Variants in ZC3H12B observed in about 807,000 individuals in gnomAD.
The protein encoded by ZC3H12B is probable ribonuclease ZC3H12B.
Under a neutral mutation model 43.9 loss-of-function variants are expected in ZC3H12B, and 7 were observed. The ratio of observed to expected loss-of-function variants is 0.16; its 90% confidence interval spans 0.09 to 0.30. ZC3H12B has a LOEUF of 0.30. Among genes scored for constraint, ZC3H12B ranks in the 10% least tolerant of loss-of-function variants. The pLI is 1.00. For missense variants in ZC3H12B, 475 were observed against 670.2 expected (o/e 0.71, Z 3.22); for synonymous variants, 222 against 241.7 (o/e 0.92, Z 0.76).
At chrX:65,490,445 G>A (rs2068189199) in intron 1 of ZC3H12B, among the ~76,000 whole-genome samples, 1 of 105,669 alleles carries the variant, frequency 9.5e-6, no homozygotes, top group African/African-American at 3.5e-5. Context: ...CAAGGAAACA[G>A]ATTCTCTCTT....
chrX:65,093,643 G>C, the ZC3H12B span, among the ~76,000 whole-genome samples: 1 of 112,095 alleles, frequency 8.9e-6, no homozygotes, highest in Non-Finnish European at 1.9e-5. Context: ...TGTGGCTGTA[G>C]CCCCGCCTTT....
At chrX:65,173,146 A>T in the ZC3H12B span, among the ~76,000 whole-genome samples, 3 of 111,358 alleles carry the variant, frequency 2.7e-5, no homozygotes, top group Non-Finnish European at 1.9e-5. Context: ...TGTGCCTTGT[A>T]AGTTGTATTC....
At chrX:65,252,072 T>G in the ZC3H12B span, among the ~76,000 whole-genome samples, 2 of 111,893 alleles carry the variant, frequency 1.8e-5, no homozygotes, top group African/African-American at 6.5e-5. Context: ...GGCTGTGGGT[T>G]TGTCATAAAT....
chrX:65,349,361 A>T, the ZC3H12B span, among the ~76,000 whole-genome samples: 1 of 112,307 alleles, frequency 8.9e-6, no homozygotes, highest in Non-Finnish European at 1.9e-5. Flanking sequence ...ACACATTTAA[A>T]GCACTGTGTA....
chrX:65,261,777 TAC>T, the ZC3H12B span, among the ~76,000 whole-genome samples: 1 of 111,030 alleles, frequency 9.0e-6, no homozygotes, highest in Non-Finnish European at 1.9e-5. Context: ...AAAATTATAA[TAC>T]ATGTAATACC....
chrX:65,488,921 G>A, exon 1 of ZC3H12B: 1 of 1,210,090 alleles, frequency 8.3e-7, no homozygotes, highest in Non-Finnish European at 1.1e-6. Context: ...AAGAGTGGAT[G>A]AGCTCTGAGA....
chrX:65,149,546 C>G, the ZC3H12B span, among the ~76,000 whole-genome samples: 1 of 109,453 alleles, frequency 9.1e-6, no homozygotes, highest in Non-Finnish European at 1.9e-5. Flanking sequence ...TGGGAGGATC[C>G]CGAGGTCAGA....
chrX:65,380,414 T>C (rs1422646361), intron 2 of ZC3H12B, among the ~76,000 whole-genome samples: 1 of 111,344 alleles, frequency 9.0e-6, no homozygotes, highest in Admixed American at 9.6e-5. Context: ...TGCTGAGATA[T>C]GTTCTCACCA....
chrX:65,343,718 A>G, the ZC3H12B span, among the ~76,000 whole-genome samples: 1 of 112,364 alleles, frequency 8.9e-6, no homozygotes, highest in Non-Finnish European at 1.9e-5. Flanking sequence ...AGCCAACATC[A>G]TACTTAAGGG....
chrX:65,371,427 C>A (rs775828189), intron 2 of ZC3H12B, among the ~76,000 whole-genome samples: 2 of 111,367 alleles, frequency 1.8e-5, no homozygotes, highest in South Asian at 7.6e-4. Flanking sequence ...TATTTCTAAG[C>A]CCAGTTTTTT....
chrX:65,350,073 A>T, the ZC3H12B span, among the ~76,000 whole-genome samples: 1 of 112,009 alleles, frequency 8.9e-6, no homozygotes, highest in East Asian at 2.8e-4. Context: ...ATTTCAGGCC[A>T]ATATCCCTGA....
At chrX:65,269,958 C>T in the ZC3H12B span, among the ~76,000 whole-genome samples, 2 of 111,529 alleles carry the variant, frequency 1.8e-5, no homozygotes, top group Non-Finnish European at 3.8e-5. Flanking sequence ...GTTCATATTA[C>T]CCAAATCAAT....
At chrX:65,361,517 A>G in the ZC3H12B span, among the ~76,000 whole-genome samples, 4 of 112,095 alleles carry the variant, frequency 3.6e-5, no homozygotes, top group African/African-American at 6.5e-5. Flanking sequence ...TAAGGCTCCA[A>G]AGTTCTGCAG....
chrX:65,458,062 T>TAAAAAAA (rs56840636), intron 3 of ZC3H12B, among the ~76,000 whole-genome samples: 3 of 15,851 alleles, frequency 1.9e-4, no homozygotes, highest in Non-Finnish European at 3.4e-4. Flanking sequence ...GAATGATCAA[T>TAAAAAAA]AAAAAAAAAA....
the ZC3H12B span, among the ~76,000 whole-genome samples, chrX:65,090,058 AATAC>A: frequency 1.8e-5 from 2 of 112,396 alleles, no homozygotes; most frequent in African/African-American, 3.2e-5. Context: ...TAATATAATA[AATAC>A]ATAAACTAGT....
the ZC3H12B span, among the ~76,000 whole-genome samples, chrX:65,048,510 C>T: frequency 9.0e-6 from 1 of 111,519 alleles, no homozygotes; most frequent in African/African-American, 3.2e-5. Context: ...AAAGTGGCTA[C>T]ACCATTATAT....
the ZC3H12B span, among the ~76,000 whole-genome samples, chrX:65,329,920 G>A: frequency 9.0e-6 from 1 of 111,278 alleles, no homozygotes; most frequent in East Asian, 2.8e-4. Flanking sequence ...CTCTGTTTTG[G>A]TACCAGTACC....
the ZC3H12B span, among the ~76,000 whole-genome samples, chrX:65,103,205 C>T: frequency 9.0e-6 from 1 of 111,139 alleles, no homozygotes; most frequent in Non-Finnish European, 1.9e-5. Flanking sequence ...CCAGAGTGGC[C>T]ATTTCAGAGA....
At chrX:65,501,239 CT>C (rs770490342) in intron 4 of ZC3H12B, among the ~76,000 whole-genome samples, 4,395 of 63,230 alleles carry the variant, frequency 0.07, 258 homozygotes, top group African/African-American at 0.31. Context: ...TCAGCTTTAG[CT>C]TTTTTTTTTT....
Sources: allele counts gnomAD v4.1 joint callset (sites outside exome capture counted in the v4.1 genomes callset), GRCh38; gene constraint gnomAD v4.1.1; transcripts MANE v1.5; gene names NCBI Gene and HGNC (gene_info 2026-07-23, HGNC 2026-07-21).